The following CPNE3 variants were observed in gnomAD, a reference collection of about 807,000 sequenced individuals.
CPNE3 encodes the protein copine-3.
Under a neutral mutation model 63.9 loss-of-function variants are expected in CPNE3, and 68 were observed. The ratio of observed to expected loss-of-function variants is 1.06; its 90% CI spans 0.87 to 1.30. CPNE3 has a LOEUF of 1.30. CPNE3 is among the 50% of genes most tolerant of loss of function. The pLI, the probability that CPNE3 is intolerant of heterozygous loss-of-function variation, is 0.00. For missense variants in CPNE3, 665 were observed against 578.1 expected (o/e 1.15, Z -1.54); for synonymous variants, 219 against 197.5 (o/e 1.11, Z -0.91).
rs1820909242 is a variant in CPNE3 at position 86,540,358 on chromosome 8, A to ATG, written c.633+24_633+25insTG. ...AGGTAAGTTGAAATTATATATATATAAAATACTTAAATATACCCATGTTCA... is the reference window on the plus strand; with the variant it reads ...AGGTAAGTTGAAATTATATATATATATGAAATACTTAAATATACCCATGTTCA... On this transcript the variant is annotated intron_variant, in intron 8 of 16. Transcript: ENST00000517490. The ATG allele has an allele frequency of 2.6e-6, 3 of 1,158,640 alleles. No individual in the cohort carries two copies. The South Asian group carries it at 5.9e-5, about 23-fold the overall frequency. 71.8% of individuals were successfully genotyped at this position (1,158,640 alleles called of 1,614,324 possible).
intron 2 of CPNE3, among the ~76,000 whole-genome samples, chr8:86,522,548 C>CTTGTTTTTTTTTT (rs1820457846): frequency 1.2e-5 from 1 of 82,234 alleles, no homozygotes; most frequent in Non-Finnish European, 2.1e-5. Flanking sequence ...ACGCCCGCTG[C>CTTGTTTTTTTTTT]TTTTTTTTTT....
intron 15 of CPNE3, 34 bp from the exon 16 acceptor site, chr8:86,556,068 C>G (rs781259303): frequency 1.2e-6 from 1 of 864,354 alleles, no homozygotes. Context: ...CATTGCTTGA[C>G]TTGCTCAGGG....
chr8:86,545,982 G>T (rs7839863), intron 9 of CPNE3, among the ~76,000 whole-genome samples: 25,404 of 151,922 alleles, frequency 0.17, 4,890 homozygotes, highest in African/African-American at 0.47. Flanking sequence ...AACAACTTGA[G>T]CCAAGCCCTA....
At chr8:86,555,469 A>C (rs1003907170) in intron 15 of CPNE3, among the ~76,000 whole-genome samples, 1 of 152,226 alleles carries the variant, frequency 6.6e-6, no homozygotes, top group African/African-American at 2.4e-5. Flanking sequence ...TAGATAATTC[A>C]TATAAAGTAC....
At chr8:86,532,704 AATTTTGC>A in intron 6 of CPNE3, 124 bp downstream of exon 6, 3 of 782,300 alleles carry the variant, frequency 3.8e-6, no homozygotes, top group Non-Finnish European at 6.3e-6. Flanking sequence ...GTTACTTTCA[AATTTTGC>A]ATGTGTGTGT....
intron 6 of CPNE3, among the ~76,000 whole-genome samples, chr8:86,532,796 G>A (rs2131451147): frequency 6.6e-6 from 1 of 152,114 alleles, no homozygotes; most frequent in East Asian, 1.9e-4. Context: ...ATTTGTTTAG[G>A]TTAAGAGAGG....
chr8:86,522,177 A>C (rs1820447641), intron 2 of CPNE3, among the ~76,000 whole-genome samples: 1 of 152,096 alleles, frequency 6.6e-6, no homozygotes, highest in Admixed American at 6.6e-5. Flanking sequence ...ATCTCTGGGG[A>C]GCTTCTTCAG....
chr8:86,526,408 G>A (rs937410877), intron 2 of CPNE3, among the ~76,000 whole-genome samples: 1 of 151,990 alleles, frequency 6.6e-6, no homozygotes, highest in African/African-American at 2.4e-5. Flanking sequence ...GATAAGATAG[G>A]ATCAGACCCT....
At chr8:86,532,623 C>T (rs780968706) in intron 6 of CPNE3, 43 bp downstream of exon 6, 1 of 1,530,584 alleles carries the variant, frequency 6.5e-7, no homozygotes, top group Non-Finnish European at 8.9e-7. Context: ...TCATGTTTTG[C>T]CTCTTTTTTA....
intron 8 of CPNE3, among the ~76,000 whole-genome samples, chr8:86,542,975 A>G (rs1820974554): frequency 6.6e-6 from 1 of 152,104 alleles, no homozygotes. Context: ...CTTGTCTTAG[A>G]TATAAATTGG....
At chr8:86,528,286 C>T (rs1177856116) in intron 2 of CPNE3, among the ~76,000 whole-genome samples, 1 of 152,082 alleles carries the variant, frequency 6.6e-6, no homozygotes, top group Non-Finnish European at 1.5e-5. Context: ...ATCTTAAAAG[C>T]TGTATTTTAC....
At chr8:86,530,469 C>A (rs1820650400) in intron 4 of CPNE3, among the ~76,000 whole-genome samples, 1 of 151,862 alleles carries the variant, frequency 6.6e-6, no homozygotes. Context: ...TGCACCTGGC[C>A]TTGAATCTTA....
chr8:86,544,993 T>G (rs1302362844), intron 9 of CPNE3, 155 bp downstream of exon 9: 2 of 388,946 alleles, frequency 5.1e-6, no homozygotes, highest in Non-Finnish European at 9.1e-6. Context: ...TAATCCACAA[T>G]TCATACTTGG....
chr8:86,543,393 A>T (rs987080209), intron 8 of CPNE3, among the ~76,000 whole-genome samples: 1 of 152,222 alleles, frequency 6.6e-6, no homozygotes, highest in African/African-American at 2.4e-5. Context: ...ACTTCCAGTT[A>T]TGATAAGCAT....
rs1214098245 is a variant in CPNE3 at position 86,558,347 on chromosome 8, C to G, written c.1551C>G (p.Gly517=). Residue 517 remains glycine (G), a synonymous_variant, in exon 17 of 17, where the codon GGC becomes GGG. Coordinates refer to ENST00000517490, the MANE Select transcript of CPNE3 (RefSeq NM_003909.5). The part of the protein sequence containing the change: ...VLAEIPQQVV[G]YFNTYKLLPP... The stretch of plus-strand genomic sequence containing the variant: ...CAGAGATTCCCCAGCAGGTGGTGGG[C>G]TACTTCAATACATACAAACTCCTTC... The G allele has an allele frequency of 5.7e-6, 5 of 872,946 alleles. No individual in the cohort carries two copies. The highest frequency in any genetic ancestry group is 5.1e-5 in the Admixed American group (3 of 59,194). The allele number at this position is 872,946 out of a possible 1,614,324, so 54.1% of individuals were successfully genotyped here.
chr8:86,528,692 T>C lies in CPNE3; in HGVS notation c.132+15T>C. On this transcript the variant is annotated intron_variant, in intron 3 of 16. Coordinates refer to ENST00000517490, the MANE Select transcript of CPNE3 (RefSeq NM_003909.5). ...AGTGGTATGAGGTAATGTCAAATAC[T>C]TTACCTAAAAAGTAATCTGAATTAC... is the stretch of plus-strand genomic sequence containing the variant. 6.3e-7 allele frequency: 1 copy of C among 1,590,728 alleles called. No individual in the cohort carries two copies. The highest frequency in any genetic ancestry group is 2.2e-5 in the East Asian group (1 of 44,706).
chr8:86,548,484 G>A lies in CPNE3; in HGVS notation c.1013+50G>A, dbSNP rs777174497. ...AAATACATGTTTTCACAATTCCCCA[G>A]AAAGGGTAGTTTGTTTCATCGGCTA... On this transcript the variant is annotated intron_variant, in intron 12 of 16. Coordinates refer to ENST00000517490, the MANE Select transcript of CPNE3 (RefSeq NM_003909.5). The A allele has an allele frequency of 5.0e-6, 8 of 1,610,222 alleles. No individual in the cohort carries two copies. The South Asian group carries it at 6.6e-5, about 13-fold the overall frequency.
Position 86,528,992 on chromosome 8 carries a change from C to T in CPNE3, c.180C>T (p.Ser60=). The T allele has an allele frequency of 6.2e-7, 1 of 1,613,622 alleles. No individual in the cohort carries two copies. Among genetic ancestry groups the T allele is most frequent in the Non-Finnish European group, 8.5e-7 (1 of 1,179,836 alleles). Residue 60 remains serine, a synonymous_variant, in exon 4 of 17, where the codon TCC becomes TCT. Transcript: ENST00000517490. ...RIKNCLNPQF[S]KTFIIDYYFE... ...AGAATTGCTTGAATCCCCAATTTTC[C>T]AAGACATTTATTATTGATTACTACT...
At chr8:86,533,187 C>T (rs1820723576) in intron 6 of CPNE3, among the ~76,000 whole-genome samples, 1 of 152,036 alleles carries the variant, frequency 6.6e-6, no homozygotes. Flanking sequence ...CCCCTGAGCC[C>T]AGCTTTTTGT....
Sources: gnomAD v4.1 joint callset for allele counts (sites outside exome capture counted in the v4.1 genomes callset) on GRCh38, gnomAD v4.1.1 for gene constraint, MANE v1.5 for transcripts, NCBI Gene and HGNC (gene_info 2026-07-23, HGNC 2026-07-21) for gene names.